Variants in NOS1 observed in about 807,000 individuals in gnomAD.
NOS1 encodes nitric oxide synthase 1, also known as NOS type I.
Under a neutral mutation model 164.5 loss-of-function variants are expected in NOS1, and 51 were observed. The observed-to-expected ratio is 0.31, with a 90% confidence interval of 0.25 to 0.39. NOS1 has a LOEUF of 0.39. Among genes scored for constraint, NOS1 ranks in the 10% least tolerant of loss-of-function variants. The pLI, the probability that NOS1 is intolerant of heterozygous loss-of-function variation, is 1.00. For missense variants in NOS1, 1,362 were observed against 1,885.6 expected (o/e 0.72, Z 5.14); for synonymous variants, 719 against 745.8 (o/e 0.96, Z 0.59).
At chr12:117,346,241 C>A (rs867935485) in intron 1 of NOS1, among the ~76,000 whole-genome samples, 1 of 152,092 alleles carries the variant, frequency 6.6e-6, no homozygotes, top group Non-Finnish European at 1.5e-5. Context: ...GAGGCTGAGG[C>A]GAGCGGATCA....
At chr12:117,217,925 C>T in intron 28 of NOS1, 121 bp downstream of exon 28, 1 of 732,062 alleles carries the variant, frequency 1.4e-6, no homozygotes, top group Non-Finnish European at 2.4e-6. Context: ...AACACGTTCC[C>T]AGATGGTGCT....
chr12:117,321,435 G>A (rs981548010), intron 2 of NOS1, among the ~76,000 whole-genome samples: 7 of 152,190 alleles, frequency 4.6e-5, no homozygotes, highest in African/African-American at 1.4e-4. Context: ...TTCCATGAAA[G>A]GCGGTGAGAA....
intron 2 of NOS1, among the ~76,000 whole-genome samples, chr12:117,314,730 CCACA>C: frequency 6.6e-6 from 1 of 152,170 alleles, no homozygotes; most frequent in East Asian, 1.9e-4. Context: ...CCTCAACCTC[CCACA>C]CAGCTGGGAC....
intron 2 of NOS1, among the ~76,000 whole-genome samples, chr12:117,326,898 T>A (rs535908902): frequency 2.6e-5 from 4 of 152,258 alleles, no homozygotes; most frequent in African/African-American, 9.6e-5. Context: ...AATCCTCGTG[T>A]CCCAGACTGT....
Position 117,339,030 on chromosome 12 carries a change from A to C in NOS1, c.-420-7541T>G, listed in dbSNP as rs539205497. ...TAAACCCAACTGCGCTCTTTTAAAAAATGCAAAACCACCAGCTTCTTTACA... is the reference window on the plus strand; with the variant it reads ...TAAACCCAACTGCGCTCTTTTAAAACATGCAAAACCACCAGCTTCTTTACA... On this transcript the variant is annotated intron_variant, in intron 1 of 28. Transcript: ENST00000317775. Among the ~76,000 whole-genome samples the C allele has an allele frequency of 7.0e-4, 106 of 152,292 alleles. 1 individual carries two copies. The highest frequency in any genetic ancestry group is 2.4e-3 in the African/African-American group (101 of 41,570).
At chr12:117,254,569 C>A (rs1328802070) in intron 16 of NOS1, among the ~76,000 whole-genome samples, 1 of 152,202 alleles carries the variant, frequency 6.6e-6, no homozygotes. Context: ...AGAAACTAGA[C>A]CATGCTGTCC....
chr12:117,226,604 A>T, intron 24 of NOS1, 79 bp downstream of exon 24: 1 of 1,265,582 alleles, frequency 7.9e-7, no homozygotes, highest in Non-Finnish European at 1.1e-6. Context: ...AACCCTTCAG[A>T]CTGGTCCACC....
At position 117,214,725 on chromosome 12, in the gene NOS1, T is replaced by C. The variant is rs1956576141; in HGVS notation, c.*584A>G. The C allele has an allele frequency of 1.0e-6, 1 of 985,230 alleles. No individual in the cohort carries two copies. The highest frequency in any genetic ancestry group is 4.7e-5 in the South Asian group (1 of 21,288). The allele number at this position is 985,230 out of a possible 1,614,324, so 61.0% of individuals were successfully genotyped here. A position where few individuals can be genotyped will look rare whatever the true frequency, so the allele number is the denominator to read the frequency against. On this transcript the variant is annotated 3_prime_UTR_variant, in exon 29 of 29. Coordinates refer to ENST00000317775, the MANE Select transcript of NOS1 (RefSeq NM_000620.5). ...TAATTATGGACACACGAGGGATTAA[T>C]ATGGGCCAGGGACACGTTTCTTGGC...
chr12:117,234,886 A>G lies in NOS1; in HGVS notation c.3042-128T>C. 1.6e-6 allele frequency: 1 copy of G among 620,270 alleles called. No homozygotes were observed. Among genetic ancestry groups the G allele is most frequent in the Non-Finnish European group, 2.7e-6 (1 of 365,216 alleles). 38.4% of individuals were successfully genotyped at this position (620,270 alleles called of 1,614,324 possible). Reference sequence around the variant, plus strand: ...ATTCTTGTTGGGGCCCGTGCTAACCAAGCCTATGCCCCCATCATTCTATTA... The same window carrying G: ...ATTCTTGTTGGGGCCCGTGCTAACCGAGCCTATGCCCCCATCATTCTATTA... On this transcript the variant is annotated intron_variant, in intron 20 of 28. Transcript: ENST00000317775. The surrounding 1 kb of genome is among the most constrained non-coding windows in gnomAD (Gnocchi z 4.3).
chr12:117,322,012 C>T (rs1323064852), intron 2 of NOS1, among the ~76,000 whole-genome samples: 1 of 51,042 alleles, frequency 2.0e-5, no homozygotes, highest in African/African-American at 7.8e-5. Flanking sequence ...CTCCTTCCTT[C>T]CCTCCCTCTC....
chr12:117,301,143 C>T (rs12578810), intron 3 of NOS1, among the ~76,000 whole-genome samples: 21,572 of 152,124 alleles, frequency 0.14, 1,952 homozygotes, highest in East Asian at 0.43. Flanking sequence ...TTTCATTTCT[C>T]TTGAGATGGA....
At chr12:117,253,838 A>C in intron 16 of NOS1, 84 bp from the exon 17 acceptor site, 1 of 878,114 alleles carries the variant, frequency 1.1e-6, no homozygotes, top group Non-Finnish European at 1.9e-6. Context: ...TCAAGTGACC[A>C]GTCCTGATTC....
chr12:117,247,527 C>A lies in NOS1; in HGVS notation c.2649-5G>T. 2 of 1,606,166 alleles carry A rather than the reference C, an allele frequency of 1.2e-6. No individual in the cohort carries two copies. The highest frequency in any genetic ancestry group is 1.1e-5 in the South Asian group (1 of 89,734). ...CCGAGGCCAAAAACTGAGAACCTGT[C>A]AAGGAGATGACAGAATGTTCATGCT... On this transcript the variant is annotated splice_region_variant and splice_polypyrimidine_tract_variant and intron_variant, in intron 17 of 28. Transcript: ENST00000317775.
At chr12:117,251,354 T>A (rs1411905002) in intron 17 of NOS1, among the ~76,000 whole-genome samples, 1 of 152,198 alleles carries the variant, frequency 6.6e-6, no homozygotes. Flanking sequence ...CAGATGATGA[T>A]TCAGGCGGTT....
At chr12:117,244,754 C>T (rs990331391) in intron 18 of NOS1, among the ~76,000 whole-genome samples, 2 of 152,282 alleles carry the variant, frequency 1.3e-5, no homozygotes, top group East Asian at 1.9e-4. Flanking sequence ...TGCTATGACA[C>T]GGATGAACCT....
intron 20 of NOS1, among the ~76,000 whole-genome samples, chr12:117,238,716 C>T (rs921464684): frequency 2.0e-5 from 3 of 152,016 alleles, no homozygotes; most frequent in East Asian, 3.9e-4. Context: ...AGGGTTTCAC[C>T]ATGCTGGCCA....
At chr12:117,280,991 G>A in intron 7 of NOS1, 125 bp from the exon 8 acceptor site, 1 of 1,065,772 alleles carries the variant, frequency 9.4e-7, no homozygotes, top group South Asian at 1.6e-5. Flanking sequence ...CCGTGCCAAG[G>A]TCCCCAGGGC....
intron 11 of NOS1, among the ~76,000 whole-genome samples, chr12:117,266,276 G>A (rs900400021): frequency 6.6e-6 from 1 of 151,850 alleles, no homozygotes; most frequent in Non-Finnish European, 1.5e-5. Flanking sequence ...CCCTTTCCCC[G>A]AGTCCCCAAA....
In NOS1 at chr12:117,209,123, T is replaced by C. The variant is rs1956490084; in HGVS notation, c.*6186A>G. 2.0e-6 allele frequency: 2 copies of C among 985,274 alleles called. No homozygotes were observed. Among genetic ancestry groups the C allele is most frequent in the Admixed American group, 6.2e-5 (1 of 16,254 alleles). 61.0% of individuals were successfully genotyped at this position (985,274 alleles called of 1,614,324 possible). A position where few individuals can be genotyped will look rare whatever the true frequency, so the allele number is the denominator to read the frequency against. ...CAGATAATGGAAACAACCACTGGGC[T>C]AGGCAAAGTTTCTGCTGCGTGCTCC... On this transcript the variant is annotated 3_prime_UTR_variant, in exon 29 of 29. Transcript: ENST00000317775.
Sources: allele counts gnomAD v4.1 joint callset (sites outside exome capture counted in the v4.1 genomes callset), GRCh38; gene constraint gnomAD v4.1.1; non-coding constraint Gnocchi (gnomAD v3.1); transcripts MANE v1.5; gene names NCBI Gene and HGNC (gene_info 2026-07-23, HGNC 2026-07-21).